The following ARSB variants were observed in gnomAD, a reference collection of about 807,000 sequenced individuals.
ARSB encodes N-acetylgalactosamine-4-sulfatase.
In ARSB, 41 loss-of-function variants were observed where a neutral mutation model predicts 50.9. The observed-to-expected ratio is 0.81, with a 90% CI of 0.63 to 1.04. The LOEUF is 1.04. ARSB is among the 50% of genes least tolerant of loss of function. The pLI, the probability that ARSB is intolerant of heterozygous loss-of-function variation, is 0.00. For synonymous variants in ARSB, 269 were observed against 284.8 expected (o/e 0.94, Z 0.56); for missense variants, 672 against 693.3 (o/e 0.97, Z 0.35).
In ARSB at chr5:78,872,596, C is replaced by G. The variant is rs552435435; in HGVS notation, c.1142+12988G>C. On this transcript the variant is annotated intron_variant, in intron 5 of 7. Coordinates refer to ENST00000264914, the MANE Select transcript of ARSB (RefSeq NM_000046.5). ...AAACCAAACACCGCATATTCTCACT[C>G]ATAGGTGGGAATTGAACAATGAGAT... 2.7e-3 allele frequency among the ~76,000 whole-genome samples: 372 copies of G among 139,316 alleles called. 1 individual carries two copies. The highest frequency in any genetic ancestry group is 9.3e-3 in the African/African-American group (344 of 37,030). 91.4% of individuals were successfully genotyped at this position (139,316 alleles called of 152,430 possible). A position where few individuals can be genotyped will look rare whatever the true frequency, so the allele number is the denominator to read the frequency against.
At chr5:78,855,925 G>A (rs1324227030) in intron 5 of ARSB, among the ~76,000 whole-genome samples, 1 of 152,116 alleles carries the variant, frequency 6.6e-6, no homozygotes, top group East Asian at 1.9e-4. Context: ...GCTCACCAGG[G>A]TATCTGTTAC....
At chr5:78,804,423 A>G (rs778824004) in intron 6 of ARSB, among the ~76,000 whole-genome samples, 13 of 152,282 alleles carry the variant, frequency 8.5e-5, no homozygotes, top group Non-Finnish European at 1.9e-4. Flanking sequence ...AAAAGTAGAG[A>G]GTAAGTTAGA....
chr5:78,798,386 TAAA>T (rs34346174), intron 6 of ARSB, among the ~76,000 whole-genome samples: 30 of 120,652 alleles, frequency 2.5e-4, no homozygotes, highest in Admixed American at 3.5e-4. Context: ...GCATTGTGTG[TAAA>T]AAAAAAAAAA....
intron 4 of ARSB, among the ~76,000 whole-genome samples, chr5:78,924,444 C>G (rs547887850): frequency 6.6e-6 from 1 of 152,316 alleles, no homozygotes; most frequent in African/African-American, 2.4e-5. Context: ...CGTGATAAGT[C>G]AGACTCCTTG....
At position 78,985,045 on chromosome 5, in the gene ARSB, G is replaced by C; in HGVS notation, c.204C>G (p.Arg68=). The C allele has an allele frequency of 2.6e-6, 4 of 1,542,326 alleles. No individual in the cohort carries two copies. Among genetic ancestry groups the C allele is most frequent in the Non-Finnish European group, 2.6e-6 (3 of 1,146,310 alleles). The change falls in exon 1 of 8, where the codon CGC becomes CGG. Residue 68 remains arginine, a synonymous_variant. Coordinates refer to ENST00000264914, the MANE Select transcript of ARSB (RefSeq NM_000046.5). ...CCGCCAGCGCGTCCAGGTGCGGCGT[G>C]CGGATGCGGGAGCCGTGGAAGCCGA... ...NDVGFHGSRI[R]TPHLDALAAG...
intron 4 of ARSB, among the ~76,000 whole-genome samples, chr5:78,954,573 C>T (rs1044108474): frequency 3.9e-5 from 6 of 152,110 alleles, no homozygotes; most frequent in Non-Finnish European, 7.3e-5. Context: ...GGCACAGTTT[C>T]GGCTCACTGC....
intron 4 of ARSB, among the ~76,000 whole-genome samples, chr5:78,938,348 C>T (rs1282390669): frequency 1.3e-5 from 2 of 152,180 alleles, no homozygotes; most frequent in Non-Finnish European, 2.9e-5. Flanking sequence ...TGGACATTAA[C>T]AGGTGAAATC....
chr5:78,977,521 G>A (rs1445023292), intron 1 of ARSB, among the ~76,000 whole-genome samples: 1 of 152,066 alleles, frequency 6.6e-6, no homozygotes, highest in African/African-American at 2.4e-5. Context: ...CAGATTATAA[G>A]CACCAAGAGA....
In ARSB at chr5:78,779,455, T is replaced by C. The variant is rs1342826712; in HGVS notation, c.*942A>G. 1 of 152,158 alleles carries C rather than the reference T, an allele frequency of 6.6e-6. No homozygotes were observed. Among genetic ancestry groups the C allele is most frequent in the Non-Finnish European group, 1.5e-5 (1 of 68,044 alleles). 9.4% of individuals were successfully genotyped at this position (152,158 alleles called of 1,614,324 possible). On this transcript the variant is annotated 3_prime_UTR_variant, in exon 8 of 8. Transcript: ENST00000264914. ...GCTACAATCACAATGACTAACTCCA[T>C]GCAATATAGGAAAAGCCTCGCTGAA...
At chr5:78,847,915 T>C (rs1241898964) in intron 5 of ARSB, among the ~76,000 whole-genome samples, 1 of 152,080 alleles carries the variant, frequency 6.6e-6, no homozygotes, top group East Asian at 1.9e-4. Flanking sequence ...AATGTCTCCT[T>C]TTTTGTTGGT....
At chr5:78,878,976 C>G (rs988671976) in intron 5 of ARSB, among the ~76,000 whole-genome samples, 2 of 152,078 alleles carry the variant, frequency 1.3e-5, no homozygotes, top group African/African-American at 4.8e-5. Context: ...GCCTCAGCCT[C>G]CTGAGTAGCT....
chr5:78,781,818 C>T (rs370678227), intron 7 of ARSB, 34 bp downstream of exon 7: 208 of 1,613,514 alleles, frequency 1.3e-4, no homozygotes, highest in Middle Eastern at 3.3e-4. Flanking sequence ...TTGTCTACCA[C>T]GGGAAGGGAA....
At chr5:78,947,213 G>T (rs1031024922) in intron 4 of ARSB, among the ~76,000 whole-genome samples, 15 of 152,136 alleles carry the variant, frequency 9.9e-5, no homozygotes, top group Admixed American at 3.3e-4. Context: ...CAGGACATTG[G>T]ACTAGGCAAA....
chr5:78,880,131 G>A lies in ARSB; in HGVS notation c.1142+5453C>T, dbSNP rs186473257. ...ATAAGAGATTGGCCGCTAGGAGAAC[G>A]TGCTAACACCGAAGAAAGATCTGCA... On this transcript the variant is annotated intron_variant, in intron 5 of 7. Coordinates refer to ENST00000264914, the MANE Select transcript of ARSB (RefSeq NM_000046.5). Among the ~76,000 whole-genome samples, 30 of 152,286 alleles carry A rather than the reference G, an allele frequency of 2.0e-4. 1 individual carries two copies. The East Asian group carries it at 4.2e-3, about 22-fold the overall frequency.
intron 5 of ARSB, among the ~76,000 whole-genome samples, chr5:78,840,968 G>A (rs1256236708): frequency 2.0e-5 from 3 of 152,120 alleles, no homozygotes; most frequent in Non-Finnish European, 4.4e-5. Flanking sequence ...AATCTAAATA[G>A]AATGATGATG....
chr5:78,842,781 T>TTG (rs34768794), intron 5 of ARSB, among the ~76,000 whole-genome samples: 3 of 24,514 alleles, frequency 1.2e-4, no homozygotes, highest in African/African-American at 3.8e-4. Context: ...TTTTTTTCCC[T>TTG]TTTTTTTTTT....
intron 6 of ARSB, among the ~76,000 whole-genome samples, chr5:78,823,937 T>C (rs1744332993): frequency 6.6e-6 from 1 of 151,968 alleles, no homozygotes; most frequent in South Asian, 2.1e-4. Context: ...CATGTTGAAA[T>C]GTGATCCCCA....
At chr5:78,978,112 G>A (rs183386225) in intron 1 of ARSB, among the ~76,000 whole-genome samples, 36 of 152,322 alleles carry the variant, frequency 2.4e-4, no homozygotes, top group Non-Finnish European at 4.0e-4. Flanking sequence ...GCCAAGGCAG[G>A]TGGATCATTT....
At chr5:78,912,624 G>A (rs1749357214) in intron 4 of ARSB, among the ~76,000 whole-genome samples, 3 of 152,222 alleles carry the variant, frequency 2.0e-5, no homozygotes, top group Admixed American at 1.3e-4. Flanking sequence ...GGGTCAGGAA[G>A]CACAGCACTG....
Sources: allele counts gnomAD v4.1 joint callset (sites outside exome capture counted in the v4.1 genomes callset), GRCh38; gene constraint gnomAD v4.1.1; transcripts MANE v1.5; gene names NCBI Gene and HGNC (gene_info 2026-07-23, HGNC 2026-07-21).